Variants in TBL1X observed in about 807,000 individuals in gnomAD.
TBL1X encodes the protein transducin beta like 1 X-linked, also known as F-box-like/WD repeat-containing protein TBL1X.
A neutral mutation model predicts 50.7 loss-of-function variants in TBL1X; 10 were observed. That is an observed-to-expected ratio of 0.20 (90% confidence interval 0.12 to 0.33). TBL1X has a LOEUF of 0.33. TBL1X is among the 10% of genes least tolerant of loss of function. The pLI is 1.00. For synonymous variants in TBL1X, 190 were observed against 214.7 expected, an observed-to-expected ratio of 0.88 and a Z score of 1.01; for missense variants, 340 against 504.4, an observed-to-expected ratio of 0.67 and a Z score of 3.12.
chrX:9,484,167 G>A (rs996727194), intron 1 of TBL1X, among the ~76,000 whole-genome samples: 2 of 109,802 alleles, frequency 1.8e-5, no homozygotes, highest in African/African-American at 6.6e-5. Context: ...ACCACACCCG[G>A]TTAATTTTTT....
intron 2 of TBL1X, among the ~76,000 whole-genome samples, chrX:9,526,182 A>AG (rs1491561997): frequency 7.4e-5 from 8 of 108,639 alleles, no homozygotes; most frequent in Non-Finnish European, 1.5e-4. Context: ...AGAGAGAGAG[A>AG]AAAAAAAACA....
At chrX:9,517,903 C>G (rs1213823839) in intron 2 of TBL1X, among the ~76,000 whole-genome samples, 1 of 110,902 alleles carries the variant, frequency 9.0e-6, no homozygotes, top group Non-Finnish European at 1.9e-5. Flanking sequence ...CCAAGGAGTT[C>G]AAGACCAGCC....
At chrX:9,668,726 T>C (rs2082944718) in intron 5 of TBL1X, among the ~76,000 whole-genome samples, 1 of 112,210 alleles carries the variant, frequency 8.9e-6, no homozygotes, top group Non-Finnish European at 1.9e-5. Context: ...CATTCAAATA[T>C]AAACAGACTG....
chrX:9,688,730 C>A (rs2083077488), intron 7 of TBL1X, among the ~76,000 whole-genome samples: 1 of 112,687 alleles, frequency 8.9e-6, no homozygotes, highest in African/African-American at 3.2e-5. Context: ...GGACATCAGT[C>A]CCTGTTAGGT....
intron 3 of TBL1X, among the ~76,000 whole-genome samples, chrX:9,649,475 T>C (rs2082822122): frequency 8.9e-6 from 1 of 112,144 alleles, no homozygotes; most frequent in African/African-American, 3.2e-5. Flanking sequence ...GGGGAAAGCA[T>C]TCCAATCCTT....
At chrX:9,555,118 C>T (rs766559779) in intron 2 of TBL1X, among the ~76,000 whole-genome samples, 21 of 111,244 alleles carry the variant, frequency 1.9e-4, no homozygotes, top group Middle Eastern at 9.2e-3. Flanking sequence ...CTCTGTTGCC[C>T]GGGCTGGAAT....
intron 2 of TBL1X, among the ~76,000 whole-genome samples, chrX:9,530,577 T>A (rs1241232711): frequency 1.8e-5 from 2 of 112,279 alleles, no homozygotes; most frequent in Admixed American, 9.4e-5. Context: ...AAAAAGGTGC[T>A]CTTTTAAAAA....
intron 2 of TBL1X, among the ~76,000 whole-genome samples, chrX:9,566,365 A>G (rs942115408): frequency 4.5e-5 from 5 of 112,204 alleles, no homozygotes; most frequent in Admixed American, 1.9e-4. Context: ...TCATTGAATA[A>G]ACCTCAATAT....
intron 2 of TBL1X, among the ~76,000 whole-genome samples, chrX:9,520,371 A>T (rs1460150802): frequency 9.0e-6 from 1 of 111,136 alleles, no homozygotes; most frequent in Non-Finnish European, 1.9e-5. Context: ...GAGGTGTAAA[A>T]AGGGAACTCT....
intron 6 of TBL1X, among the ~76,000 whole-genome samples, chrX:9,687,262 A>G (rs946723792): frequency 7.1e-5 from 8 of 112,450 alleles, no homozygotes; most frequent in Admixed American, 9.4e-5. Flanking sequence ...AATGATGTCA[A>G]TTGTGTCATG....
At chrX:9,661,852 A>C (rs1293773590) in intron 5 of TBL1X, among the ~76,000 whole-genome samples, 1 of 111,265 alleles carries the variant, frequency 9.0e-6, no homozygotes, top group Non-Finnish European at 1.9e-5. Context: ...TTCTACAGAA[A>C]CATAAGACTG....
At chrX:9,562,812 T>C (rs1168094773) in intron 2 of TBL1X, among the ~76,000 whole-genome samples, 1 of 111,976 alleles carries the variant, frequency 8.9e-6, no homozygotes, top group Non-Finnish European at 1.9e-5. Flanking sequence ...TCTGTATTTG[T>C]TTTAAGTACA....
chrX:9,545,472 A>G (rs1348507084), intron 2 of TBL1X, among the ~76,000 whole-genome samples: 1 of 108,831 alleles, frequency 9.2e-6, no homozygotes, highest in African/African-American at 3.3e-5. Flanking sequence ...GCTTGAGCCC[A>G]GGAGTTCAAG....
chrX:9,651,737 T>G (rs1303181469), intron 3 of TBL1X, among the ~76,000 whole-genome samples: 1 of 112,883 alleles, frequency 8.9e-6, no homozygotes, highest in East Asian at 2.8e-4. Flanking sequence ...GACAGACTTG[T>G]ATTTTGACTG....
intron 2 of TBL1X, among the ~76,000 whole-genome samples, chrX:9,555,111 T>A (rs1326090218): frequency 8.9e-6 from 1 of 111,841 alleles, no homozygotes. Context: ...GGTCTTGCTC[T>A]GTTGCCCGGG....
chrX:9,534,509 T>C (rs558510285), intron 2 of TBL1X, among the ~76,000 whole-genome samples: 28 of 110,944 alleles, frequency 2.5e-4, no homozygotes, highest in African/African-American at 7.6e-4. Context: ...TATAGAGATA[T>C]GATTCACATA....
Position 9,489,816 on chromosome X carries a change from G to A in TBL1X, c.-200-11964G>A, listed in dbSNP as rs193097378. On this transcript the variant is annotated intron_variant, in intron 1 of 17. Transcript: ENST00000645353. ...GCAGCCATAGACTTCCACTATGGGA[G>A]GATGGAAGAGTTAGCATTGCAGTGC... 3.2e-3 allele frequency among the ~76,000 whole-genome samples: 358 copies of A among 111,641 alleles called. 3 individuals are homozygous for A. The highest frequency in any genetic ancestry group is 0.011 in the African/African-American group (343 of 30,710).
At chrX:9,715,040 T>G (rs1381476344) in intron 17 of TBL1X, 37 bp downstream of exon 17, 6 of 1,160,623 alleles carry the variant, frequency 5.2e-6, no homozygotes, top group Non-Finnish European at 7.0e-6. Flanking sequence ...GAGTGGGGTG[T>G]TGGGGGCAGC....
At chrX:9,497,401 T>TC (rs1272896332) in intron 1 of TBL1X, among the ~76,000 whole-genome samples, 3 of 53,236 alleles carry the variant, frequency 5.6e-5, no homozygotes, top group Non-Finnish European at 9.2e-5. Context: ...ACAGCCAGAC[T>TC]CCATCTCAAA....
Sources: allele counts gnomAD v4.1 joint callset (sites outside exome capture counted in the v4.1 genomes callset), GRCh38; gene constraint gnomAD v4.1.1; transcripts MANE v1.5; gene names NCBI Gene and HGNC (gene_info 2026-07-23, HGNC 2026-07-21).